RNFT2: variants seen among roughly 807,000 people sequenced by gnomAD.
RNFT2 encodes the protein ring finger protein, transmembrane 2.
A neutral mutation model predicts 53.0 loss-of-function variants in RNFT2; 36 were observed. That is an observed-to-expected ratio of 0.68 (90% confidence interval 0.52 to 0.90). The LOEUF (loss-of-function observed/expected upper bound fraction) is 0.90. Among genes scored for constraint, RNFT2 ranks in the 40% least tolerant of loss-of-function variants. The pLI, the probability that RNFT2 is intolerant of heterozygous loss-of-function variation, is 0.00. For missense variants in RNFT2, 514 were observed against 585.6 expected (o/e 0.88, Z 1.26); for synonymous variants, 260 against 253.2 (o/e 1.03, Z -0.26).
intron 7 of RNFT2, among the ~76,000 whole-genome samples, chr12:116,798,237 A>G (rs1874600879): frequency 6.6e-6 from 1 of 151,852 alleles, no homozygotes; most frequent in African/African-American, 2.4e-5. Context: ...AAAAAAAAAA[A>G]GAAGCAGCAG....
chr12:116,833,904 TGGGC>T lies in RNFT2; in HGVS notation c.999_1002del (p.Gly334SerfsTer2), dbSNP rs1876820946. On this transcript the variant is annotated frameshift_variant, in exon 8 of 11. Transcript: ENST00000257575. LOFTEE classifies it high-confidence loss of function. ...GACGACTCCTCCAACAGCTACTTCC[TGGGC>T]GGGGTCCTGATCGTTCTCTACAGCC... 1 of 1,612,882 alleles carries T rather than the reference TGGGC, an allele frequency of 6.2e-7. No individual in the cohort carries two copies. Among genetic ancestry groups the T allele is most frequent in the African/African-American group, 1.3e-5 (1 of 74,850 alleles).
rs1565874278 is a variant in RNFT2, at chr12:116,835,959, G to C, written c.1033-1G>C. On this transcript the variant is annotated splice_acceptor_variant, in intron 8 of 10. Coordinates refer to ENST00000257575, the MANE Select transcript of RNFT2 (RefSeq NM_001382266.1). LOFTEE classifies it high-confidence loss of function. Reference sequence around the variant, plus strand: ...CAGCCACCACCCTGCTCTCCTTTCAGTCCTTCGACATCTGTGGACGTGTGG... The same window carrying C: ...CAGCCACCACCCTGCTCTCCTTTCACTCCTTCGACATCTGTGGACGTGTGG... 6.2e-7 allele frequency: 1 copy of C among 1,613,984 alleles called. No individual in the cohort carries two copies. The highest frequency in any genetic ancestry group is 1.7e-5 in the Admixed American group (1 of 60,022).
chr12:116,744,193 T>C (rs1354155145), intron 3 of RNFT2, among the ~76,000 whole-genome samples: 4 of 143,872 alleles, frequency 2.8e-5, no homozygotes, highest in Admixed American at 7.4e-5. Context: ...GCGACTGCAC[T>C]CTAGCCTGGG....
intron 7 of RNFT2, among the ~76,000 whole-genome samples, chr12:116,782,728 G>A (rs760767251): frequency 2.6e-5 from 4 of 151,990 alleles, no homozygotes; most frequent in Non-Finnish European, 5.9e-5. Flanking sequence ...AGCGGGCACT[G>A]TTATTCCTAC....
intron 7 of RNFT2, among the ~76,000 whole-genome samples, chr12:116,832,140 A>AT (rs1555209706): frequency 4.4e-5 from 3 of 68,154 alleles, no homozygotes; most frequent in African/African-American, 1.6e-4. Context: ...CAAAAAAAAA[A>AT]AAAAAAAAAT....
At chr12:116,839,264 G>GTA (rs1163430112) in intron 10 of RNFT2, among the ~76,000 whole-genome samples, 1 of 152,176 alleles carries the variant, frequency 6.6e-6, no homozygotes, top group African/African-American at 2.4e-5. Context: ...TTGTTTAGCA[G>GTA]CAGAGCCACA....
intron 7 of RNFT2, among the ~76,000 whole-genome samples, chr12:116,786,322 G>T (rs1046444782): frequency 6.6e-6 from 1 of 151,988 alleles, no homozygotes; most frequent in Non-Finnish European, 1.5e-5. Flanking sequence ...TATTGGCCAG[G>T]CTGGTCTCGA....
intron 6 of RNFT2, among the ~76,000 whole-genome samples, chr12:116,767,551 C>T (rs928105396): frequency 6.6e-6 from 1 of 151,148 alleles, no homozygotes; most frequent in African/African-American, 2.4e-5. Flanking sequence ...AACATACGAT[C>T]GATATAAAAA....
intron 4 of RNFT2, 82 bp downstream of exon 4, chr12:116,750,389 C>A: frequency 7.4e-7 from 1 of 1,354,748 alleles, no homozygotes; most frequent in African/African-American, 1.4e-5. Flanking sequence ...GGCTCCTCCT[C>A]TGAAGCCCAG....
intron 7 of RNFT2, among the ~76,000 whole-genome samples, chr12:116,779,894 T>C (rs1275009578): frequency 6.6e-6 from 1 of 152,110 alleles, no homozygotes; most frequent in African/African-American, 2.4e-5. Context: ...CCTTGGGGAA[T>C]AGACATTGGA....
chr12:116,753,148 CTTTTTTTTTTTT>C (rs11377177), intron 4 of RNFT2, among the ~76,000 whole-genome samples: 1 of 93,690 alleles, frequency 1.1e-5, no homozygotes, highest in Admixed American at 1.5e-4. Flanking sequence ...TTTTCTTTTT[CTTTTTTTTTTTT>C]TTTTTTTTGA....
In RNFT2 at chr12:116,785,249, C is replaced by CTGTGTGTGTGTGTGTGTGTGTGTGTGTG. The variant is rs56185708; in HGVS notation, c.882+5927_882+5928insTGTGTGTGTGTGTGTGTGTGTGTGTGTG. ...TCATAGCATTTGTGATTACCTACTTCTGTGTGTGTGTGTGTGTGTGTGTGT... is the reference window on the plus strand; with the variant it reads ...TCATAGCATTTGTGATTACCTACTTCTGTGTGTGTGTGTGTGTGTGTGTGTGTGTGTGTGTGTGTGTGTGTGTGTGTGT... On this transcript the variant is annotated intron_variant, in intron 7 of 10. Coordinates refer to ENST00000257575, the MANE Select transcript of RNFT2 (RefSeq NM_001382266.1). 7.5e-4 allele frequency among the ~76,000 whole-genome samples: 105 copies of CTGTGTGTGTGTGTGTGTGTGTGTGTGTG among 139,166 alleles called. 1 individual carries two copies. Among genetic ancestry groups the CTGTGTGTGTGTGTGTGTGTGTGTGTGTG allele is most frequent in the Middle Eastern group, 3.6e-3 (1 of 276 alleles). The allele number at this position is 139,166 out of a possible 152,430, so 91.3% of individuals were successfully genotyped here. A position where few individuals can be genotyped will look rare whatever the true frequency, so the allele number is the denominator to read the frequency against.
chr12:116,841,822 T>TATATATATAA (rs1877293138), intron 10 of RNFT2, among the ~76,000 whole-genome samples: 18 of 41,880 alleles, frequency 4.3e-4, no homozygotes, highest in African/African-American at 1.4e-3. Flanking sequence ...TATATAAAAA[T>TATATATATAA]ATATATATAT....
intron 10 of RNFT2, among the ~76,000 whole-genome samples, chr12:116,840,127 C>T (rs949814227): frequency 2.0e-5 from 3 of 152,198 alleles, no homozygotes; most frequent in Non-Finnish European, 4.4e-5. Context: ...AGAGAATGAA[C>T]TGTCCTCCAA....
chr12:116,829,624 A>C (rs183095182), intron 7 of RNFT2, among the ~76,000 whole-genome samples: 2 of 152,324 alleles, frequency 1.3e-5, no homozygotes, highest in South Asian at 2.1e-4. Context: ...AAAGTTGGCT[A>C]TAAATCTCTG....
intron 4 of RNFT2, among the ~76,000 whole-genome samples, chr12:116,752,440 T>TTTTTG (rs1472822406): frequency 6.6e-6 from 1 of 152,166 alleles, no homozygotes; most frequent in African/African-American, 2.4e-5. Context: ...TGGCAGGTTT[T>TTTTTG]TTTTGTTTTG....
Position 116,815,442 on chromosome 12 carries a change from C to T in RNFT2, c.883-18350C>T, listed in dbSNP as rs140462895. On this transcript the variant is annotated intron_variant, in intron 7 of 10. Transcript: ENST00000257575. ...GCACTGTGGTTCCTTTGGGAGGCTCCGGGGGACAATCCATTTTCTTGTCTT... is the reference window on the plus strand; with the variant it reads ...GCACTGTGGTTCCTTTGGGAGGCTCTGGGGGACAATCCATTTTCTTGTCTT... Among the ~76,000 whole-genome samples, 8 of 152,224 alleles carry T rather than the reference C, an allele frequency of 5.3e-5. 1 individual carries two copies. In the South Asian group the frequency reaches 6.2e-4, roughly 12 times the overall value.
intron 10 of RNFT2, among the ~76,000 whole-genome samples, chr12:116,848,613 C>T (rs535328122): frequency 2.6e-5 from 4 of 152,254 alleles, no homozygotes; most frequent in African/African-American, 9.6e-5. Flanking sequence ...CCTGTTCCTC[C>T]CGCACATCAA....
intron 7 of RNFT2, among the ~76,000 whole-genome samples, chr12:116,793,802 T>C (rs963687840): frequency 5.9e-5 from 9 of 152,210 alleles, no homozygotes; most frequent in African/African-American, 2.2e-4. Context: ...TTCTCCAACC[T>C]GCAGTATTCC....
Sources: gnomAD v4.1 joint callset for allele counts (sites outside exome capture counted in the v4.1 genomes callset) on GRCh38, gnomAD v4.1.1 for gene constraint, MANE v1.5 for transcripts, NCBI Gene and HGNC (gene_info 2026-07-23, HGNC 2026-07-21) for gene names.